The following PCDH15 variants were observed in gnomAD, a reference collection of about 807,000 sequenced individuals.
PCDH15 encodes the protein protocadherin-15.
In PCDH15, 129 loss-of-function variants were observed where a neutral mutation model predicts 178.5. That is an observed-to-expected ratio of 0.72 (90% CI 0.63 to 0.84). The LOEUF (loss-of-function observed/expected upper bound fraction) is 0.84, where lower values mean the gene tolerates loss of function less well. PCDH15 is among the 40% of genes least tolerant of loss of function. The pLI is 0.00. For missense variants in PCDH15, 2,230 were observed against 2,099.9 expected (o/e 1.06, Z -1.21); for synonymous variants, 800 against 732.0 (o/e 1.09, Z -1.50).
intron 21 of PCDH15, among the ~76,000 whole-genome samples, chr10:53,982,498 T>C (rs2090736965): frequency 6.6e-6 from 1 of 151,950 alleles, no homozygotes; most frequent in South Asian, 2.1e-4. Flanking sequence ...CCATAAAAAA[T>C]GATGAGTTCA....
In PCDH15 at chr10:54,380,251, C is replaced by T. The variant is rs1949016198; in HGVS notation, c.158-1309G>A. 1.1e-4 allele frequency among the ~76,000 whole-genome samples: 17 copies of T among 151,942 alleles called. No individual in the cohort carries two copies. In the South Asian group the frequency reaches 3.5e-3, roughly 31 times the overall value. On this transcript the variant is annotated intron_variant, in intron 3 of 37. Transcript: ENST00000644397. ...ACTTTTGTAAATGGCACATTTTTTG[C>T]ACTTTTTCACATACTAGGACATAAT...
At chr10:55,439,047 C>T (rs912657790) in intron 2 of PCDH15, among the ~76,000 whole-genome samples, 1 of 151,878 alleles carries the variant, frequency 6.6e-6, no homozygotes, top group African/African-American at 2.4e-5. Flanking sequence ...TACAGGCGCC[C>T]ACCACCACGC....
At chr10:54,877,938 C>CTTTTTTTTTTTTTTTTTTTTTT (rs1203452904) in intron 3 of PCDH15, among the ~76,000 whole-genome samples, 1 of 8,088 alleles carries the variant, frequency 1.2e-4, no homozygotes, top group African/African-American at 5.0e-4. Flanking sequence ...CTCTCTCTCT[C>CTTTTTTTTTTTTTTTTTTTTTT]TTTTTTTTTT....
intron 8 of PCDH15, among the ~76,000 whole-genome samples, chr10:54,291,570 T>G (rs1344812743): frequency 4.0e-5 from 6 of 151,812 alleles, no homozygotes; most frequent in African/African-American, 1.5e-4. Context: ...TTGATAGACC[T>G]TTAGAAGACT....
chr10:54,197,295 ACT>A (rs1279781296), intron 10 of PCDH15, among the ~76,000 whole-genome samples: 1 of 151,992 alleles, frequency 6.6e-6, no homozygotes, highest in Non-Finnish European at 1.5e-5. Flanking sequence ...ATAGGAAAAT[ACT>A]AACCATAGAT....
intron 2 of PCDH15, among the ~76,000 whole-genome samples, chr10:55,004,442 A>G (rs11004665): frequency 0.73 from 111,666 of 152,004 alleles, 41,157 homozygotes; most frequent in East Asian, 0.87. Flanking sequence ...TCTTATCTGA[A>G]TTCCTTTCTC....
chr10:54,909,208 G>A (rs1230944788), intron 2 of PCDH15, among the ~76,000 whole-genome samples: 1 of 152,154 alleles, frequency 6.6e-6, no homozygotes, highest in Non-Finnish European at 1.5e-5. Context: ...GGGACACAAA[G>A]CCCAGTCCCC....
At chr10:54,618,389 T>C (rs2093249401) in intron 2 of PCDH15, among the ~76,000 whole-genome samples, 1 of 152,130 alleles carries the variant, frequency 6.6e-6, no homozygotes, top group African/African-American at 2.4e-5. Context: ...GGAACATACA[T>C]TATGATGTAA....
At chr10:55,116,745 G>C (rs1837637077) in intron 2 of PCDH15, among the ~76,000 whole-genome samples, 1 of 152,138 alleles carries the variant, frequency 6.6e-6, no homozygotes, top group African/African-American at 2.4e-5. Context: ...TGAAGAAACA[G>C]CAGAAGCAGG....
chr10:54,515,975 T>C lies in PCDH15; in HGVS notation c.157+11837A>G, dbSNP rs535206408. Among the ~76,000 whole-genome samples the C allele has an allele frequency of 3.3e-5, 5 of 152,200 alleles. No individual in the cohort carries two copies. In the East Asian group the frequency reaches 5.8e-4, roughly 18 times the overall value. On this transcript the variant is annotated intron_variant, in intron 3 of 37. Transcript: ENST00000644397. ...GGAAAACTAACAAACAGAAAGGACA[T>C]CCACACCAAAAATCCATCCGTACAT...
chr10:54,061,080 G>A (rs4431928), intron 18 of PCDH15, among the ~76,000 whole-genome samples: 93,131 of 151,304 alleles, frequency 0.62, 28,945 homozygotes, highest in Middle Eastern at 0.76. Flanking sequence ...GAGGGGTCCA[G>A]GACCAGGCCT....
intron 1 of PCDH15, among the ~76,000 whole-genome samples, chr10:55,266,075 T>A (rs1226709681): frequency 3.9e-5 from 6 of 152,182 alleles, no homozygotes; most frequent in Non-Finnish European, 7.3e-5. Flanking sequence ...TTCACCAGGG[T>A]GAAACACCTC....
At chr10:55,434,007 A>G (rs1838959065) in intron 2 of PCDH15, among the ~76,000 whole-genome samples, 2 of 151,372 alleles carry the variant, frequency 1.3e-5, no homozygotes, top group South Asian at 4.1e-4. Flanking sequence ...ACATATTCAA[A>G]GCATTATTTA....
chr10:55,008,607 C>T (rs979348659), intron 2 of PCDH15, among the ~76,000 whole-genome samples: 1 of 152,036 alleles, frequency 6.6e-6, no homozygotes, highest in Non-Finnish European at 1.5e-5. Context: ...CTATTTCAAG[C>T]TCAAAGTCAT....
intron 2 of PCDH15, among the ~76,000 whole-genome samples, chr10:55,157,707 A>G (rs928391179): frequency 6.6e-6 from 1 of 152,020 alleles, no homozygotes; most frequent in South Asian, 2.1e-4. Context: ...TCACAAGGAC[A>G]GAAAACCAAA....
At chr10:55,442,476 A>AT (rs56759068) in intron 2 of PCDH15, among the ~76,000 whole-genome samples, 2,745 of 83,992 alleles carry the variant, frequency 0.033, 71 homozygotes, top group East Asian at 0.26. Flanking sequence ...TATATTATAT[A>AT]TATATTATAT....
At chr10:54,390,151 G>C (rs1347287522) in intron 3 of PCDH15, among the ~76,000 whole-genome samples, 2 of 152,234 alleles carry the variant, frequency 1.3e-5, no homozygotes, top group African/African-American at 4.8e-5. Flanking sequence ...CCTGAATTCA[G>C]GGTGAATGCA....
chr10:54,614,717 T>C (rs973836422), intron 2 of PCDH15, among the ~76,000 whole-genome samples: 12 of 152,022 alleles, frequency 7.9e-5, no homozygotes, highest in Non-Finnish European at 1.5e-4. Flanking sequence ...TTCTCGTGCT[T>C]GTCCACAGAA....
At chr10:54,965,457 T>A (rs1838760533) in intron 2 of PCDH15, among the ~76,000 whole-genome samples, 1 of 152,104 alleles carries the variant, frequency 6.6e-6, no homozygotes, top group Non-Finnish European at 1.5e-5. Context: ...TTGCTCCTCC[T>A]TGACCTTCTG....
Sources: allele counts gnomAD v4.1 joint callset (sites outside exome capture counted in the v4.1 genomes callset), GRCh38; gene constraint gnomAD v4.1.1; transcripts MANE v1.5; gene names NCBI Gene and HGNC (gene_info 2026-07-23, HGNC 2026-07-21).